GREB1L: variants seen among roughly 807,000 people sequenced by gnomAD.
The protein encoded by GREB1L is GREB1 like retinoic acid receptor coactivator.
GREB1L carries 17 observed loss-of-function variants against 200.8 expected under a neutral mutation model. The observed-to-expected ratio is 0.08, with a 90% CI of 0.06 to 0.13. GREB1L has a LOEUF of 0.13. Ranked by LOEUF, GREB1L falls within the 10% of genes least tolerant of loss-of-function variation. The pLI, the probability that GREB1L is intolerant of heterozygous loss-of-function variation, is 1.00. For missense variants in GREB1L, 1,657 were observed against 2,367.7 expected, an observed-to-expected ratio of 0.70 and a Z score of 6.23; for synonymous variants, 789 against 893.0, an observed-to-expected ratio of 0.88 and a Z score of 2.08.
intron 1 of GREB1L, among the ~76,000 whole-genome samples, chr18:21,271,491 TA>T (rs549329511): frequency 1.3e-3 from 176 of 140,252 alleles, no homozygotes; most frequent in South Asian, 1.6e-3. Context: ...TATAAAAAGC[TA>T]AAAAAAAAAA....
Position 21,508,296 on chromosome 18 carries a change from G to C in GREB1L, c.4530+17G>C. The C allele has an allele frequency of 6.4e-7, 1 of 1,551,508 alleles. No individual in the cohort carries two copies. On this transcript the variant is annotated intron_variant, in intron 26 of 32. Transcript: ENST00000424526. The stretch of plus-strand genomic sequence containing the variant: ...TCAGACAAGGTGGGTGAGAGCATCT[G>C]GACTGGCAGGCACCAGACCTAGTTC...
At chr18:21,350,763 C>G (rs1402918435) in intron 1 of GREB1L, among the ~76,000 whole-genome samples, 1 of 152,032 alleles carries the variant, frequency 6.6e-6, no homozygotes, top group East Asian at 1.9e-4. Context: ...CAGGAATGAA[C>G]TAAAGAAAGT....
intron 23 of GREB1L, among the ~76,000 whole-genome samples, chr18:21,502,042 C>T (rs142424226): frequency 0.13 from 20,439 of 152,166 alleles, 1,619 homozygotes; most frequent in Middle Eastern, 0.2. Flanking sequence ...GGGCGGATCA[C>T]CTGAGGTCAG....
intron 2 of GREB1L, among the ~76,000 whole-genome samples, chr18:21,376,358 AT>A (rs2040069532): frequency 6.7e-6 from 1 of 150,240 alleles, no homozygotes; most frequent in Admixed American, 6.7e-5. Flanking sequence ...ACCTCAGGTG[AT>A]CCACCCACCA....
chr18:21,391,618 GC>G (rs2040810710), intron 4 of GREB1L, among the ~76,000 whole-genome samples: 1 of 152,154 alleles, frequency 6.6e-6, no homozygotes, highest in South Asian at 2.1e-4. Flanking sequence ...GTCTCTTGGG[GC>G]CCTTCTTTCA....
At chr18:21,260,231 G>C (rs1243029875) in intron 1 of GREB1L, among the ~76,000 whole-genome samples, 1 of 151,528 alleles carries the variant, frequency 6.6e-6, no homozygotes, top group Non-Finnish European at 1.5e-5. Flanking sequence ...ACTCTAATTT[G>C]GTCCTTGATA....
intron 1 of GREB1L, among the ~76,000 whole-genome samples, chr18:21,340,840 G>A (rs2039259696): frequency 2.6e-5 from 4 of 152,114 alleles, no homozygotes; most frequent in East Asian, 3.9e-4. Context: ...CACCGCACCC[G>A]GCCCTAACCA....
intron 23 of GREB1L, among the ~76,000 whole-genome samples, chr18:21,501,066 C>CAAAAAAAAA: frequency 1.1e-5 from 1 of 87,068 alleles, no homozygotes; most frequent in Non-Finnish European, 2.7e-5. Context: ...GACTTTGTCT[C>CAAAAAAAAA]AAAAAAAAAA....
intron 7 of GREB1L, among the ~76,000 whole-genome samples, chr18:21,433,149 A>G (rs1488914357): frequency 6.6e-6 from 1 of 152,230 alleles, no homozygotes; most frequent in Non-Finnish European, 1.5e-5. Flanking sequence ...AATCCCAGAT[A>G]CTATGTCCAG....
intron 7 of GREB1L, among the ~76,000 whole-genome samples, chr18:21,421,032 T>C (rs1474755889): frequency 6.6e-6 from 1 of 152,172 alleles, no homozygotes; most frequent in Non-Finnish European, 1.5e-5. Context: ...AGGGATACTG[T>C]ACAATTCTAT....
chr18:21,255,090 C>T (rs1052778013), intron 1 of GREB1L, among the ~76,000 whole-genome samples: 2 of 152,136 alleles, frequency 1.3e-5, no homozygotes, highest in Non-Finnish European at 2.9e-5. Flanking sequence ...ATTAGGCAAC[C>T]AGCAGTGTGT....
In GREB1L at chr18:21,317,135, G is replaced by A. The variant is rs564014911; in HGVS notation, c.-119-48892G>A. Among the ~76,000 whole-genome samples the A allele has an allele frequency of 9.2e-5, 14 of 151,902 alleles. 1 individual carries two copies. The East Asian group carries it at 2.3e-3, about 25-fold the overall frequency. ...GGTGCCGTGTTACGTGCCTATAATC[G>A]CAGCTATGCAGGAGGATCCCTTCAG... On this transcript the variant is annotated intron_variant, in intron 1 of 32. Transcript: ENST00000424526.
At chr18:21,359,177 T>G (rs1450812897) in intron 1 of GREB1L, among the ~76,000 whole-genome samples, 1 of 152,222 alleles carries the variant, frequency 6.6e-6, no homozygotes, top group African/African-American at 2.4e-5. Flanking sequence ...AATCAGGGGC[T>G]GGGCACAATG....
chr18:21,454,644 C>A, intron 15 of GREB1L, 81 bp downstream of exon 15: 1 of 1,060,470 alleles, frequency 9.4e-7, no homozygotes, highest in Non-Finnish European at 1.4e-6. Context: ...TTAATCCAAA[C>A]GTCTAGAGGA....
chr18:21,490,344 G>A lies in GREB1L; in HGVS notation c.3023G>A (p.Arg1008Gln), dbSNP rs1462566220. 4 of 1,550,122 alleles carry A rather than the reference G, an allele frequency of 2.6e-6. No individual in the cohort carries two copies. The South Asian group carries it at 3.6e-5, about 14-fold the overall frequency. Residue 1008 changes from arginine to glutamine, a missense_variant, in exon 19 of 33, where the codon CGA (arginine) becomes CAA (glutamine). Arg to Gln is a conservative substitution (Grantham distance 43). Transcript: ENST00000424526. ...ELSVATHFVA[R>Q]LKSWRGNEPE... ...AGTGTTGCAACTCACTTTGTGGCGC[G>A]ATTAAAGGTTAGCAATGGACAGACA...
intron 7 of GREB1L, among the ~76,000 whole-genome samples, chr18:21,434,490 T>G (rs1277243604): frequency 2.5e-5 from 3 of 121,204 alleles, no homozygotes; most frequent in Non-Finnish European, 5.2e-5. Flanking sequence ...AAATAGTATA[T>G]ATATATATAT....
Position 21,466,554 on chromosome 18 carries a change from G to C in GREB1L, c.2183-6477G>C, listed in dbSNP as rs72882840. On this transcript the variant is annotated intron_variant, in intron 15 of 32. Transcript: ENST00000424526. Reference sequence around the variant, plus strand: ...CATAGGAATGAATTTGACAAAAGAAGTGCAAAGCTTATGCTTTGAAATAAT... The same window carrying C: ...CATAGGAATGAATTTGACAAAAGAACTGCAAAGCTTATGCTTTGAAATAAT... Among the ~76,000 whole-genome samples the C allele has an allele frequency of 2.8e-3, 430 of 152,174 alleles. 3 individuals carry two copies. The highest frequency in any genetic ancestry group is 5.1e-3 in the Non-Finnish European group (347 of 67,982).
At chr18:21,411,532 A>T (rs570630613) in intron 7 of GREB1L, among the ~76,000 whole-genome samples, 137 of 152,238 alleles carry the variant, frequency 9.0e-4, no homozygotes, top group Admixed American at 1.6e-3. Context: ...TTCAAGTAAT[A>T]AGAACTAATA....
In GREB1L at chr18:21,516,937, G is replaced by GTC. The variant is rs543101982; in HGVS notation, c.5271+183_5271+184insTC. 6.3e-3 allele frequency among the ~76,000 whole-genome samples: 922 copies of GTC among 147,178 alleles called. 8 individuals are homozygous for GTC. Among genetic ancestry groups the GTC allele is most frequent in the South Asian group, 0.014 (64 of 4,674 alleles). On this transcript the variant is annotated intron_variant, in intron 30 of 32. Coordinates refer to ENST00000424526, the MANE Select transcript of GREB1L (RefSeq NM_001142966.3). ...TAGGCTGGATGGAGAGCAGTGGCGT[G>GTC]ATCACGGCTCACTGCAAGCTCTGCC... is the stretch of plus-strand genomic sequence containing the variant.
Sources: allele counts gnomAD v4.1 joint callset (sites outside exome capture counted in the v4.1 genomes callset), GRCh38; gene constraint gnomAD v4.1.1; transcripts MANE v1.5; gene names NCBI Gene and HGNC (gene_info 2026-07-23, HGNC 2026-07-21).